Variants in TOP3B observed in about 807,000 individuals in gnomAD.
The protein encoded by TOP3B is DNA topoisomerase III beta.
In TOP3B, 45 loss-of-function variants were observed where a neutral mutation model predicts 93.9. The observed-to-expected ratio is 0.48, with a 90% CI of 0.38 to 0.61. TOP3B has a LOEUF of 0.61. TOP3B is among the 20% of genes least tolerant of loss of function. The pLI, the probability that TOP3B is intolerant of heterozygous loss-of-function variation, is 0.00. For missense variants in TOP3B, 750 were observed against 1,156.1 expected, an observed-to-expected ratio of 0.65 and a Z score of 5.09; for synonymous variants, 357 against 472.6, an observed-to-expected ratio of 0.76 and a Z score of 3.17.
chr22:21,980,710 G>T (rs1018143076), intron 1 of TOP3B, among the ~76,000 whole-genome samples: 1 of 152,178 alleles, frequency 6.6e-6, no homozygotes, highest in South Asian at 2.1e-4. Context: ...GCTCTGCTGC[G>T]CACCCACCTT....
intron 9 of TOP3B, 113 bp from the exon 10 acceptor site, chr22:21,964,428 C>T (rs768030205): frequency 2.1e-5 from 27 of 1,315,776 alleles, no homozygotes; most frequent in African/African-American, 1.7e-4. Context: ...TGGAGGGTGA[C>T]GGTGGCTCTG....
At chr22:21,958,434 G>T (rs770476761) in intron 17 of TOP3B, 58 bp downstream of exon 17, 87 of 1,611,478 alleles carry the variant, frequency 5.4e-5, no homozygotes, top group Non-Finnish European at 6.8e-5. Context: ...CAAGGCAGGG[G>T]TTGGCACTGA....
At chr22:21,972,753 A>G in intron 3 of TOP3B, 35 bp from the exon 4 acceptor site, 3 of 1,558,362 alleles carry the variant, frequency 1.9e-6, no homozygotes, top group Non-Finnish European at 2.7e-6. Context: ...GAGTCACAGG[A>G]GCTCAGCCTC....
intron 1 of TOP3B, among the ~76,000 whole-genome samples, chr22:21,981,044 GC>G (rs1221336287): frequency 6.6e-6 from 1 of 152,224 alleles, no homozygotes; most frequent in African/African-American, 2.4e-5. Context: ...GAAGCCAGAG[GC>G]CAAAAGGGAA....
At chr22:21,962,667 C>T in intron 12 of TOP3B, 65 bp from the exon 13 acceptor site, 4 of 1,605,768 alleles carry the variant, frequency 2.5e-6, no homozygotes, top group Non-Finnish European at 3.4e-6. Flanking sequence ...AGACCCTGGG[C>T]CTCCCATCCC....
At position 21,974,412 on chromosome 22, in the gene TOP3B, T is replaced by C; in HGVS notation, c.147A>G (p.Pro49=). 1 of 1,614,160 alleles carries C rather than the reference T, an allele frequency of 6.2e-7. No individual in the cohort carries two copies. The highest frequency in any genetic ancestry group is 8.5e-7 in the Non-Finnish European group (1 of 1,180,004). ...HEYTGTFAGQ[P]VRFKMTSVCG... ...AGACAGACGTCATCTTGAAGCGCAC[T>C]GGCTGGCCAGCAAAGGTCCCAGTGT... The change falls in exon 3 of 18, where the codon CCA becomes CCG. Residue 49 remains proline, a synonymous_variant. Transcript: ENST00000357179.
Position 21,971,981 on chromosome 22 carries a change from TG to T in TOP3B, c.310-31del, listed in dbSNP as rs773564989. ...CACACAGCACAGGTTCACACGTACC[TG>T]CTGCAGACCCGGTCTGTGCCACCCG... On this transcript the variant is annotated intron_variant, in intron 4 of 17. Coordinates refer to ENST00000357179, the MANE Select transcript of TOP3B (RefSeq NM_001282112.2). This position sits in a 1 kb window ranked among gnomAD's most constrained non-coding sequence, Gnocchi z 4.6. 1 of 1,602,682 alleles carries T rather than the reference TG, an allele frequency of 6.2e-7. No homozygotes were observed. The highest frequency in any genetic ancestry group is 8.5e-7 in the Non-Finnish European group (1 of 1,172,114).
chr22:21,962,374 G>A (rs781038698), intron 13 of TOP3B, 55 bp downstream of exon 13: 40 of 1,609,206 alleles, frequency 2.5e-5, no homozygotes, highest in Middle Eastern at 1.6e-4. Context: ...GAGTAGACTC[G>A]AAGCCTGAGT....
chr22:21,972,435 G>A, intron 4 of TOP3B, 177 bp downstream of exon 4: 1 of 567,490 alleles, frequency 1.8e-6, no homozygotes, highest in Non-Finnish European at 3.1e-6. Flanking sequence ...CAACTGCCTT[G>A]TGTGTTGGGG....
intron 17 of TOP3B, chr22:21,957,843 A>T: frequency 6.5e-7 from 1 of 1,531,022 alleles, no homozygotes; most frequent in Non-Finnish European, 8.7e-7. Flanking sequence ...GTTTCAGCTG[A>T]CTCCATCCCC....
chr22:21,959,550 C>A (rs752199091), intron 15 of TOP3B, 37 bp downstream of exon 15: 5 of 1,571,608 alleles, frequency 3.2e-6, no homozygotes, highest in Non-Finnish European at 4.3e-6. Flanking sequence ...CAGAGAGACA[C>A]CCCTCTGGTG....
intron 6 of TOP3B, chr22:21,969,790 G>A (rs112935984): frequency 0.028 from 4,498 of 162,246 alleles, 201 homozygotes; most frequent in African/African-American, 0.1. Context: ...AGGCATAGTG[G>A]TGCACACCTG....
chr22:21,959,503 C>G, intron 15 of TOP3B, 84 bp downstream of exon 15: 1 of 1,525,534 alleles, frequency 6.6e-7, no homozygotes, highest in Non-Finnish European at 8.8e-7. Flanking sequence ...GCTGGTCCCA[C>G]GTGGGGACCT....
Position 21,959,580 on chromosome 22 carries a change from ACT to A in TOP3B, c.1804+5_1804+6del, listed in dbSNP as rs1206917001. On this transcript the variant is annotated splice_donor_5th_base_variant and intron_variant, in intron 15 of 17. Transcript: ENST00000357179. ...CTGGTGAGGGGCAGGCCAGAGGCAG[ACT>A]CTACCAGCAATGGAGTCGACAAAGT... The A allele has an allele frequency of 1.2e-6, 2 of 1,604,130 alleles. No individual in the cohort carries two copies. The highest frequency in any genetic ancestry group is 1.7e-6 in the Non-Finnish European group (2 of 1,173,754).
chr22:21,972,013 A>T (rs2071660558), intron 4 of TOP3B, 62 bp from the exon 5 acceptor site: 1 of 1,452,740 alleles, frequency 6.9e-7, no homozygotes, highest in East Asian at 2.4e-5. Flanking sequence ...ACCCGCCCCC[A>T]GTGCTCCCAT....
At chr22:21,980,744 T>G (rs1397714793) in intron 1 of TOP3B, among the ~76,000 whole-genome samples, 2 of 152,220 alleles carry the variant, frequency 1.3e-5, no homozygotes, top group South Asian at 4.1e-4. Context: ...CCAGCAGGCT[T>G]CGGCCTAGGC....
rs1001426064 is a variant in TOP3B, at chr22:21,963,561, G to A, written c.1204+362C>T. Reference sequence around the variant, plus strand: ...GGTGGCTCCTGTCTCTACCTGCACTGCTCTCCCTTCCTCATTTGCCTTCTC... The same window carrying A: ...GGTGGCTCCTGTCTCTACCTGCACTACTCTCCCTTCCTCATTTGCCTTCTC... On this transcript the variant is annotated intron_variant, in intron 11 of 17. Coordinates refer to ENST00000357179, the MANE Select transcript of TOP3B (RefSeq NM_001282112.2). The surrounding 1 kb of genome is among the most constrained non-coding windows in gnomAD (Gnocchi z 4.8). 8 of 299,488 alleles carry A rather than the reference G, an allele frequency of 2.7e-5. No individual in the cohort carries two copies. The highest frequency in any genetic ancestry group is 8.9e-5 in the East Asian group (1 of 11,190). The allele number at this position is 299,488 out of a possible 1,614,324, so 18.6% of individuals were successfully genotyped here. A position where few individuals can be genotyped will look rare whatever the true frequency, so the allele number is the denominator to read the frequency against.
chr22:21,975,680 C>G lies in TOP3B; in HGVS notation c.30G>C (p.Lys10Asn). Residue 10 changes from lysine to asparagine, a missense_variant, in exon 2 of 18, where the codon AAG (lysine) becomes AAC (asparagine). Lys to Asn is a moderately conservative substitution (Grantham distance 94). Coordinates refer to ENST00000357179, the MANE Select transcript of TOP3B (RefSeq NM_001282112.2). Reference sequence around the variant, plus strand: ...TGGCAATTGACTGTGCCAAGGACGGCTTTTCAGCAACCATGAGCACAGTCT... The same window carrying G: ...TGGCAATTGACTGTGCCAAGGACGGGTTTTCAGCAACCATGAGCACAGTCT... MKTVLMVAE[K>N]PSLAQSIAKI... 1 of 1,612,246 alleles carries G rather than the reference C, an allele frequency of 6.2e-7. No individual in the cohort carries two copies. The highest frequency in any genetic ancestry group is 8.5e-7 in the Non-Finnish European group (1 of 1,178,790).
rs1177399728 is a variant in TOP3B at position 21,964,279 on chromosome 22, C to T, written c.980G>A (p.Arg327Gln). The change falls in exon 10 of 18, where the codon CGG (arginine) becomes CAG (glutamine). Residue 327 changes from arginine to glutamine, a missense_variant. By Grantham distance (43) the Arg-to-Gln change is conservative. This residue lies in a region of TOP3B where 737 missense variants were observed against 933.7 expected (regional missense o/e 0.79). Transcript: ENST00000357179. ...GCTGATGTAGCCTTGCGTGTAGAGCCGCTCAGCCGTCTGCATGGCGTGCTG... is the reference window on the plus strand; with the variant it reads ...GCTGATGTAGCCTTGCGTGTAGAGCTGCTCAGCCGTCTGCATGGCGTGCTG... ...GPQHAMQTAE[R>Q]LYTQGYISYP... 12 of 1,613,716 alleles carry T rather than the reference C, an allele frequency of 7.4e-6. No individual in the cohort carries two copies. The highest frequency in any genetic ancestry group is 1.1e-5 in the South Asian group (1 of 91,062).
Sources: allele counts gnomAD v4.1 joint callset (sites outside exome capture counted in the v4.1 genomes callset), GRCh38; gene constraint gnomAD v4.1.1; regional missense constraint gnomAD v4.1.1; non-coding constraint Gnocchi (gnomAD v3.1); transcripts MANE v1.5; gene names NCBI Gene and HGNC (gene_info 2026-07-23, HGNC 2026-07-21).